The following PTPRN2 variants were observed in gnomAD, a reference collection of about 807,000 sequenced individuals.
PTPRN2 encodes receptor-type tyrosine-protein phosphatase N2.
A neutral mutation model predicts 118.8 loss-of-function variants in PTPRN2; 74 were observed. The observed-to-expected ratio is 0.62, with a 90% CI of 0.52 to 0.76. PTPRN2 has a LOEUF of 0.76. PTPRN2 is among the 30% of genes least tolerant of loss of function. The pLI, the probability that PTPRN2 is intolerant of heterozygous loss-of-function variation, is 0.00. For missense variants in PTPRN2, 1,481 were observed against 1,394.4 expected (o/e 1.06, Z -0.99); for synonymous variants, 641 against 608.0 (o/e 1.05, Z -0.80).
intron 12 of PTPRN2, among the ~76,000 whole-genome samples, chr7:157,811,926 C>T (rs1017110070): frequency 1.7e-4 from 26 of 152,218 alleles, no homozygotes; most frequent in Admixed American, 9.2e-4. Flanking sequence ...AATGAGTCTC[C>T]GACAGGTGAT....
rs753498681 is a variant in PTPRN2 at position 158,018,966 on chromosome 7, CAAAAAAAAAAA to C, written c.1723+62321_1723+62331del. Among the ~76,000 whole-genome samples the C allele has an allele frequency of 6.9e-3, 452 of 65,864 alleles. 1 individual carries two copies. Among genetic ancestry groups the C allele is most frequent in the Middle Eastern group, 0.013 (1 of 78 alleles). 43.2% of individuals were successfully genotyped at this position (65,864 alleles called of 152,430 possible). On this transcript the variant is annotated intron_variant, in intron 11 of 22. Transcript: ENST00000389418. ...CAAGAGGGAGACTTTGTTTCAAAAA[CAAAAAAAAAAA>C]AAAAAAAAAAAAAAGAGAATATAAG...
chr7:157,802,029 G>T (rs73746624), intron 12 of PTPRN2, among the ~76,000 whole-genome samples: 1 of 152,124 alleles, frequency 6.6e-6, no homozygotes, highest in Admixed American at 6.5e-5. Context: ...TTCGTCCACC[G>T]TGAAACCCGC....
rs891538013 is a variant in PTPRN2 at position 158,479,204 on chromosome 7, G to C, written c.163+10531C>G. The stretch of plus-strand genomic sequence containing the variant: ...TTCCTCACCCTAAGGCTGTGAATGG[G>C]GCTCATGTTACTCAATGTGAGTGGG... On this transcript the variant is annotated intron_variant, in intron 2 of 22. Transcript: ENST00000389418. 2.0e-5 allele frequency among the ~76,000 whole-genome samples: 3 copies of C among 152,110 alleles called. No individual in the cohort carries two copies. In the South Asian group the frequency reaches 6.3e-4, roughly 32 times the overall value.
chr7:158,238,452 T>G (rs1795691653), intron 3 of PTPRN2, among the ~76,000 whole-genome samples: 1 of 152,160 alleles, frequency 6.6e-6, no homozygotes, highest in Non-Finnish European at 1.5e-5. Flanking sequence ...TCTCTGCCGC[T>G]CATCAGAAAC....
chr7:157,856,554 TCTA>T (rs1809726980), intron 12 of PTPRN2, among the ~76,000 whole-genome samples: 1 of 152,250 alleles, frequency 6.6e-6, no homozygotes, highest in African/African-American at 2.4e-5. Flanking sequence ...GGCACACAGT[TCTA>T]CTGGTTTCTC....
rs58606925 is a variant in PTPRN2, at chr7:157,733,142, T to C, written c.1789-50205A>G. Among the ~76,000 whole-genome samples, 62 of 32,770 alleles carry C rather than the reference T, an allele frequency of 1.9e-3. 4 individuals carry two copies. Among genetic ancestry groups the C allele is most frequent in the East Asian group, 0.015 (20 of 1,316 alleles). 21.5% of individuals were successfully genotyped at this position (32,770 alleles called of 152,430 possible). A position where few individuals can be genotyped will look rare whatever the true frequency, so the allele number is the denominator to read the frequency against. ...CGTCCCAGGCGCCCAGCACAGTTAC[T>C]CTTTCCCGTCCCAGGCGCCCAGCAC... On this transcript the variant is annotated intron_variant, in intron 12 of 22. Transcript: ENST00000389418.
rs1804693144 is a variant in PTPRN2 at position 157,794,012 on chromosome 7, G to A, written c.1788+104661C>T. 1.3e-5 allele frequency among the ~76,000 whole-genome samples: 2 copies of A among 152,254 alleles called. No homozygotes were observed. Among genetic ancestry groups the A allele is most frequent in the Admixed American group, 1.3e-4 (2 of 15,298 alleles). Reference sequence around the variant, plus strand: ...CCCTTCCCGGGTCCCCACCCTCCAGGCCACCTTCGGGCCTCGGCAGCACAC... The same window carrying A: ...CCCTTCCCGGGTCCCCACCCTCCAGACCACCTTCGGGCCTCGGCAGCACAC... On this transcript the variant is annotated intron_variant, in intron 12 of 22. Coordinates refer to ENST00000389418, the MANE Select transcript of PTPRN2 (RefSeq NM_002847.5). This position sits in a 1 kb window ranked among gnomAD's most constrained non-coding sequence, Gnocchi z 5.2.
Position 158,093,056 on chromosome 7 carries a change from G to A in PTPRN2, c.1644-11679C>T, listed in dbSNP as rs1240107154. On this transcript the variant is annotated intron_variant, in intron 10 of 22. Coordinates refer to ENST00000389418, the MANE Select transcript of PTPRN2 (RefSeq NM_002847.5). The surrounding 1 kb of genome is among the most constrained non-coding windows in gnomAD (Gnocchi z 4.4). ...ATGCCACCACTAGAATCACAACTTC[G>A]GCGTTCTTGGCTGAGAGCCTTCTGC... is the stretch of plus-strand genomic sequence containing the variant. Among the ~76,000 whole-genome samples the A allele has an allele frequency of 3.3e-5, 5 of 152,218 alleles. No homozygotes were observed. The highest frequency in any genetic ancestry group is 7.3e-5 in the Non-Finnish European group (5 of 68,046).
At chr7:158,268,154 G>A (rs1397162734) in intron 3 of PTPRN2, among the ~76,000 whole-genome samples, 1 of 152,228 alleles carries the variant, frequency 6.6e-6, no homozygotes, top group African/African-American at 2.4e-5. Context: ...TAATTAGAGA[G>A]CCCCTAAGTG....
intron 12 of PTPRN2, among the ~76,000 whole-genome samples, chr7:157,694,429 C>T (rs926797225): frequency 2.6e-5 from 4 of 152,224 alleles, no homozygotes; most frequent in Admixed American, 2.0e-4. Context: ...ACCACCCCTC[C>T]TCTAAGGTGC....
intron 3 of PTPRN2, among the ~76,000 whole-genome samples, chr7:158,286,106 A>G (rs986557767): frequency 2.6e-5 from 4 of 152,142 alleles, no homozygotes; most frequent in East Asian, 3.9e-4. Flanking sequence ...AGTATTTTAT[A>G]TTTTTTGAGC....
At position 157,974,178 on chromosome 7, in the gene PTPRN2, T is replaced by C. The variant is rs887615576; in HGVS notation, c.1724-75441A>G. ...GGCCCTGCGGATCCGGCGATGATCA[T>C]TGTGGAAAGAATGGACAGCACCCTG... is the stretch of plus-strand genomic sequence containing the variant. On this transcript the variant is annotated intron_variant, in intron 11 of 22. Transcript: ENST00000389418. This position sits in a 1 kb window ranked among gnomAD's most constrained non-coding sequence, Gnocchi z 4.0. 2.6e-5 allele frequency among the ~76,000 whole-genome samples: 4 copies of C among 152,146 alleles called. No homozygotes were observed. The highest frequency in any genetic ancestry group is 5.9e-5 in the Non-Finnish European group (4 of 68,012).
rs1313208557 is a variant in PTPRN2, at chr7:157,974,118, T to C, written c.1724-75381A>G. On this transcript the variant is annotated intron_variant, in intron 11 of 22. Transcript: ENST00000389418. This position sits in a 1 kb window ranked among gnomAD's most constrained non-coding sequence, Gnocchi z 4.0. ...CTGACTTGCACTGCTGGACGGTGGG[T>C]TGGCGGTGTTGACGCTGCACAGGTC... Among the ~76,000 whole-genome samples, 1 of 152,108 alleles carries C rather than the reference T, an allele frequency of 6.6e-6. No individual in the cohort carries two copies. Among genetic ancestry groups the C allele is most frequent in the Non-Finnish European group, 1.5e-5 (1 of 68,014 alleles).
intron 1 of PTPRN2, among the ~76,000 whole-genome samples, chr7:158,491,158 C>G (rs1293320301): frequency 2.0e-5 from 3 of 152,246 alleles, no homozygotes; most frequent in Admixed American, 2.0e-4. Context: ...AAACGTCATT[C>G]CAGACCTAAG....
rs561736842 is a variant in PTPRN2 at position 157,936,115 on chromosome 7, T to C, written c.1724-37378A>G. 4.4e-4 allele frequency among the ~76,000 whole-genome samples: 67 copies of C among 152,342 alleles called. No homozygotes were observed. The South Asian group carries it at 0.01, about 23-fold the overall frequency. On this transcript the variant is annotated intron_variant, in intron 11 of 22. Transcript: ENST00000389418. Reference sequence around the variant, plus strand: ...CGAAAGTGAACCGATCGTAGGTGTATGACTACAGCAAATGCAGACACATTC... The same window carrying C: ...CGAAAGTGAACCGATCGTAGGTGTACGACTACAGCAAATGCAGACACATTC...
intron 12 of PTPRN2, among the ~76,000 whole-genome samples, chr7:157,771,443 G>A (rs931747064): frequency 6.6e-6 from 1 of 152,188 alleles, no homozygotes; most frequent in African/African-American, 2.4e-5. Flanking sequence ...CCCTTCTGTG[G>A]CTTGCAGCAG....
chr7:158,441,437 T>C (rs1817183137), intron 2 of PTPRN2, among the ~76,000 whole-genome samples: 2 of 147,696 alleles, frequency 1.4e-5, no homozygotes, highest in Admixed American at 1.3e-4. Flanking sequence ...GTGATGGTGA[T>C]GGCAGTGGTG....
chr7:157,699,518 G>A (rs534177618), intron 12 of PTPRN2, among the ~76,000 whole-genome samples: 216 of 152,144 alleles, frequency 1.4e-3, no homozygotes, highest in Non-Finnish European at 2.0e-3. Flanking sequence ...ACTGCCAACC[G>A]CCGACACCCA....
At chr7:157,541,105 G>A (rs1034965120) in intron 22 of PTPRN2, among the ~76,000 whole-genome samples, 6 of 152,188 alleles carry the variant, frequency 3.9e-5, no homozygotes, top group South Asian at 4.2e-4. Context: ...CGGTTCCTGC[G>A]TACTGCCCTG....
Sources: gnomAD v4.1 joint callset for allele counts (sites outside exome capture counted in the v4.1 genomes callset) on GRCh38, gnomAD v4.1.1 for gene constraint, Gnocchi (gnomAD v3.1) non-coding constraint, MANE v1.5 for transcripts, NCBI Gene and HGNC (gene_info 2026-07-23, HGNC 2026-07-21) for gene names.